HNMT: variants seen among roughly 807,000 people sequenced by gnomAD.
HNMT encodes histamine N-methyltransferase.
In HNMT, 30 loss-of-function variants were observed where a neutral mutation model predicts 32.1. The observed-to-expected ratio is 0.93, with a 90% CI of 0.70 to 1.27. The LOEUF (loss-of-function observed/expected upper bound fraction) is 1.27, where lower values mean the gene tolerates loss of function less well. Ranked by LOEUF, HNMT falls within the 50% of genes most tolerant of loss-of-function variation. The probability of loss-of-function intolerance (pLI) is 0.00; values close to 1 mark genes in which losing one functional copy is unlikely to be tolerated. For synonymous variants in HNMT, 125 were observed against 119.0 expected, an observed-to-expected ratio of 1.05 and a Z score of -0.33; for missense variants, 327 against 346.0, an observed-to-expected ratio of 0.95 and a Z score of 0.43.
intron 1 of HNMT, among the ~76,000 whole-genome samples, chr2:137,965,675 G>T (rs1236705588): frequency 1.3e-5 from 2 of 152,098 alleles, no homozygotes; most frequent in African/African-American, 2.4e-5. Context: ...CAAATATAGA[G>T]AACTTCTTAC....
intron 2 of HNMT, among the ~76,000 whole-genome samples, chr2:137,976,249 G>A (rs1235886480): frequency 1.5e-5 from 2 of 131,594 alleles, no homozygotes; most frequent in South Asian, 2.5e-4. Context: ...CTGGGGGACA[G>A]AGCAAGACTC....
At chr2:137,978,445 T>A (rs1018741424) in intron 2 of HNMT, among the ~76,000 whole-genome samples, 6 of 143,826 alleles carry the variant, frequency 4.2e-5, no homozygotes, top group Middle Eastern at 5.7e-3. Context: ...ATACATATGA[T>A]TAGATAATAT....
At chr2:137,969,400 A>C (rs942458547) in intron 1 of HNMT, among the ~76,000 whole-genome samples, 1 of 152,204 alleles carries the variant, frequency 6.6e-6, no homozygotes, top group African/African-American at 2.4e-5. Flanking sequence ...TTGCAAATCC[A>C]AATGTCTGCT....
chr2:138,012,790 T>A (rs1316345349), intron 5 of HNMT, among the ~76,000 whole-genome samples: 1 of 152,090 alleles, frequency 6.6e-6, no homozygotes, highest in Non-Finnish European at 1.5e-5. Flanking sequence ...TTTTTACCCA[T>A]ATCCTACATC....
At position 138,014,163 on chromosome 2, in the gene HNMT, A is replaced by G. The variant is rs1681596082; in HGVS notation, c.*33A>G. 1.6e-6 allele frequency: 2 copies of G among 1,273,088 alleles called. No homozygotes were observed. The highest frequency in any genetic ancestry group is 1.5e-5 in the African/African-American group (1 of 66,850). The allele number at this position is 1,273,088 out of a possible 1,614,324, so 78.9% of individuals were successfully genotyped here. A position where few individuals can be genotyped will look rare whatever the true frequency, so the allele number is the denominator to read the frequency against. ...TCACAAAAGTATATTCAAAAATTAT[A>G]TTTTGAACAACTCGAATCACTCATT... is the stretch of plus-strand genomic sequence containing the variant. On this transcript the variant is annotated 3_prime_UTR_variant, in exon 6 of 6. Coordinates refer to ENST00000280097, the MANE Select transcript of HNMT (RefSeq NM_006895.3).
chr2:138,013,917 C>T lies in HNMT; in HGVS notation c.666C>T (p.Ser222=). 3 of 1,613,782 alleles carry T rather than the reference C, an allele frequency of 1.9e-6. No individual in the cohort carries two copies. Among genetic ancestry groups the T allele is most frequent in the South Asian group, 2.2e-5 (2 of 91,070 alleles). Residue 222 remains serine (S), a synonymous_variant, in exon 6 of 6, where the codon TCC becomes TCT. Transcript: ENST00000280097. ...GLKYECYDLL[S]TMDISDCFID... is the part of the protein sequence containing the mutation. Reference sequence around the variant, plus strand: ...AGTATGAGTGCTATGACCTTTTGTCCACCATGGATATATCTGACTGCTTTA... The same window carrying T: ...AGTATGAGTGCTATGACCTTTTGTCTACCATGGATATATCTGACTGCTTTA...
At chr2:138,005,346 T>A (rs561145352) in intron 5 of HNMT, 121 bp downstream of exon 5, 1 of 654,714 alleles carries the variant, frequency 1.5e-6, no homozygotes, top group Non-Finnish European at 2.7e-6. Context: ...CCTTGGCCTC[T>A]AATCATAGCC....
intron 4 of HNMT, among the ~76,000 whole-genome samples, chr2:138,003,240 T>TAA (rs139083837): frequency 4.1e-4 from 62 of 151,464 alleles, no homozygotes; most frequent in African/African-American, 1.4e-3. Flanking sequence ...ATAATAATAA[T>TAA]AATAATAAAA....
intron 1 of HNMT, among the ~76,000 whole-genome samples, chr2:137,969,747 T>C (rs1474645177): frequency 2.6e-5 from 4 of 152,120 alleles, no homozygotes; most frequent in Non-Finnish European, 2.9e-5. Flanking sequence ...TAAACACTTG[T>C]TCATTAAAAG....
Position 137,988,174 on chromosome 2 carries a change from A to G in HNMT, c.191-12744A>G, listed in dbSNP as rs1401688554. Among the ~76,000 whole-genome samples the G allele has an allele frequency of 3.3e-5, 5 of 152,164 alleles. No homozygotes were observed. The East Asian group carries it at 7.7e-4, about 23-fold the overall frequency. On this transcript the variant is annotated intron_variant, in intron 2 of 5. Transcript: ENST00000280097. ...AGTCTATGTTTAGTGGAGAAGCTTG[A>G]CCTTCATCCATTTTATAGTCACTAG...
intron 2 of HNMT, among the ~76,000 whole-genome samples, chr2:137,977,555 A>T (rs1164438947): frequency 6.6e-6 from 1 of 152,180 alleles, no homozygotes; most frequent in East Asian, 1.9e-4. Flanking sequence ...GAAACGACGA[A>T]AAAATATTTG....
chr2:137,969,061 A>G (rs1032962353), intron 1 of HNMT, among the ~76,000 whole-genome samples: 5 of 152,146 alleles, frequency 3.3e-5, no homozygotes, highest in African/African-American at 1.2e-4. Context: ...TGCCATTACT[A>G]AAGACACTCG....
At chr2:137,987,246 T>C (rs1680675698) in intron 2 of HNMT, among the ~76,000 whole-genome samples, 2 of 152,102 alleles carry the variant, frequency 1.3e-5, no homozygotes. Flanking sequence ...GACCAAGCAA[T>C]GGTCATGAGA....
intron 5 of HNMT, 59 bp downstream of exon 5, chr2:138,005,284 T>A: frequency 1.1e-6 from 1 of 907,544 alleles, no homozygotes; most frequent in Non-Finnish European, 1.8e-6. Context: ...TATGCATGGA[T>A]TCCTGTGTTT....
At position 137,970,224 on chromosome 2, in the gene HNMT, G is replaced by C. The variant is rs367667485; in HGVS notation, c.190+7G>C. On this transcript the variant is annotated splice_region_variant and intron_variant, in intron 2 of 5. Coordinates refer to ENST00000280097, the MANE Select transcript of HNMT (RefSeq NM_006895.3). ...AGCATAGGCGGAGGTGCAGGTATGA[G>C]TAATATATTTTTAAAGTTCATATTT... 6 of 1,488,004 alleles carry C rather than the reference G, an allele frequency of 4.0e-6. No individual in the cohort carries two copies. Among genetic ancestry groups the C allele is most frequent in the Non-Finnish European group, 5.5e-6 (6 of 1,081,716 alleles). The allele number at this position is 1,488,004 out of a possible 1,614,324, so 92.2% of individuals were successfully genotyped here. A position where few individuals can be genotyped will look rare whatever the true frequency, so the allele number is the denominator to read the frequency against.
At chr2:137,997,920 A>T (rs1270025657) in intron 2 of HNMT, among the ~76,000 whole-genome samples, 1 of 152,206 alleles carries the variant, frequency 6.6e-6, no homozygotes, top group African/African-American at 2.4e-5. Flanking sequence ...TAACAGGAAC[A>T]GAGAACCAAA....
chr2:138,008,534 G>A (rs2198655), intron 5 of HNMT, among the ~76,000 whole-genome samples: 2,910 of 151,770 alleles, frequency 0.019, 95 homozygotes, highest in African/African-American at 0.066. Flanking sequence ...ATACTATAGG[G>A]GGGTACAATA....
intron 2 of HNMT, among the ~76,000 whole-genome samples, chr2:137,973,780 G>T (rs75751801): frequency 0.016 from 1,755 of 112,876 alleles, 32 homozygotes; most frequent in African/African-American, 0.039. Context: ...GGTTTTTTTT[G>T]GGGGGGGGTG....
intron 2 of HNMT, among the ~76,000 whole-genome samples, chr2:137,977,031 CTA>C (rs1680307660): frequency 1.3e-5 from 2 of 152,250 alleles, no homozygotes; most frequent in Admixed American, 6.5e-5. Flanking sequence ...GAGGACAAAA[CTA>C]TCATTGCAGA....
Sources: gnomAD v4.1 joint callset for allele counts (sites outside exome capture counted in the v4.1 genomes callset) on GRCh38, gnomAD v4.1.1 for gene constraint, MANE v1.5 for transcripts, NCBI Gene and HGNC (gene_info 2026-07-23, HGNC 2026-07-21) for gene names.